SSBP3: variants seen among roughly 807,000 people sequenced by gnomAD.
SSBP3 encodes the protein single-stranded DNA-binding protein 3.
In SSBP3, 5 loss-of-function variants were observed where a neutral mutation model predicts 69.6. The ratio of observed to expected loss-of-function variants is 0.07; its 90% CI spans 0.04 to 0.15. SSBP3 has a LOEUF of 0.15. Ranked by LOEUF, SSBP3 falls within the 10% of genes least tolerant of loss-of-function variation. The pLI, the probability that SSBP3 is intolerant of heterozygous loss-of-function variation, is 1.00. For missense variants in SSBP3, 312 were observed against 534.0 expected (o/e 0.58, Z 4.10); for synonymous variants, 196 against 193.4 (o/e 1.01, Z -0.11).
At chr1:54,240,090 G>A (rs12737237) in intron 13 of SSBP3, among the ~76,000 whole-genome samples, 208 of 12,508 alleles carry the variant, frequency 0.017, 2 homozygotes, top group African/African-American at 0.078. Context: ...GTGTGTGTGC[G>A]CGCGCGCGCG....
chr1:54,317,318 C>T (rs981756886), intron 4 of SSBP3, among the ~76,000 whole-genome samples: 1 of 152,184 alleles, frequency 6.6e-6, no homozygotes, highest in East Asian at 1.9e-4. Flanking sequence ...GGGCAGATCG[C>T]TTGAGCACAG....
chr1:54,335,159 G>A (rs1646487303), intron 4 of SSBP3, among the ~76,000 whole-genome samples: 1 of 152,164 alleles, frequency 6.6e-6, no homozygotes, highest in South Asian at 2.1e-4. Context: ...ATCAGCTCTT[G>A]TTACCAGAAT....
intron 4 of SSBP3, among the ~76,000 whole-genome samples, chr1:54,308,548 C>T (rs1222498196): frequency 1.3e-5 from 2 of 149,748 alleles, no homozygotes; most frequent in Non-Finnish European, 3.0e-5. Flanking sequence ...TTGCAGTGAG[C>T]CAAGATTGCG....
At chr1:54,399,746 G>C (rs900588665) in intron 4 of SSBP3, among the ~76,000 whole-genome samples, 1 of 152,104 alleles carries the variant, frequency 6.6e-6, no homozygotes, top group South Asian at 2.1e-4. Flanking sequence ...AGAAGGGAGA[G>C]ACTAGATGAA....
chr1:54,327,860 A>T lies in SSBP3; in HGVS notation c.277-46333T>A, dbSNP rs1646337668. Among the ~76,000 whole-genome samples the T allele has an allele frequency of 3.3e-5, 5 of 152,118 alleles. No individual in the cohort carries two copies. In the South Asian group the frequency reaches 1.0e-3, roughly 32 times the overall value. On this transcript the variant is annotated intron_variant, in intron 4 of 17. Coordinates refer to ENST00000610401, the Ensembl canonical transcript of SSBP3. Reference sequence around the variant, plus strand: ...TCCTGTCCCCTCCCCCATCCCAGGCACGCTCTAGCTGGGGCTCACTCTGCA... The same window carrying T: ...TCCTGTCCCCTCCCCCATCCCAGGCTCGCTCTAGCTGGGGCTCACTCTGCA...
intron 4 of SSBP3, among the ~76,000 whole-genome samples, chr1:54,343,721 TA>T (rs2100538320): frequency 6.6e-6 from 1 of 152,318 alleles, no homozygotes; most frequent in East Asian, 1.9e-4. Context: ...TGGCTTCATA[TA>T]ACTATATCTA....
intron 4 of SSBP3, among the ~76,000 whole-genome samples, chr1:54,371,805 G>A (rs539565827): frequency 1.4e-4 from 22 of 152,060 alleles, no homozygotes; most frequent in Non-Finnish European, 2.4e-4. Context: ...GAAGACAGTC[G>A]GGCAGGGGTG....
At chr1:54,260,598 C>G (rs1890567) in intron 5 of SSBP3, among the ~76,000 whole-genome samples, 62,460 of 152,134 alleles carry the variant, frequency 0.41, 12,946 homozygotes, top group South Asian at 0.48. Flanking sequence ...AGAAGCGCCC[C>G]TGGGGGACTC....
intron 4 of SSBP3, among the ~76,000 whole-genome samples, chr1:54,310,400 G>T (rs991347273): frequency 6.6e-6 from 1 of 152,062 alleles, no homozygotes; most frequent in Non-Finnish European, 1.5e-5. Context: ...TTTTCTACTG[G>T]GGGGTGGGCT....
intron 14 of SSBP3, among the ~76,000 whole-genome samples, chr1:54,233,633 A>G (rs1368735824): frequency 7.4e-6 from 1 of 134,892 alleles, no homozygotes; most frequent in African/African-American, 2.9e-5. Context: ...CCGGGAGGTG[A>G]GGGGCGCCTC....
At chr1:54,292,584 C>T (rs1645627878) in intron 4 of SSBP3, among the ~76,000 whole-genome samples, 1 of 152,150 alleles carries the variant, frequency 6.6e-6, no homozygotes, top group African/African-American at 2.4e-5. Flanking sequence ...GCCCTTCAAA[C>T]CCCAGACTCC....
intron 4 of SSBP3, among the ~76,000 whole-genome samples, chr1:54,360,828 C>T (rs954220585): frequency 6.6e-6 from 1 of 151,730 alleles, no homozygotes; most frequent in Non-Finnish European, 1.5e-5. Flanking sequence ...TCCTGTAATC[C>T]CAACATTTTG....
At chr1:54,288,167 T>C (rs608547) in intron 4 of SSBP3, among the ~76,000 whole-genome samples, 48,971 of 151,936 alleles carry the variant, frequency 0.32, 8,251 homozygotes, top group Non-Finnish European at 0.36. Context: ...TAAAAAAGGA[T>C]TGCCATAGGA....
intron 4 of SSBP3, among the ~76,000 whole-genome samples, chr1:54,362,474 T>C (rs1339788861): frequency 6.6e-6 from 1 of 152,178 alleles, no homozygotes. Flanking sequence ...GCAAATGGGA[T>C]CAGAGGTACC....
At chr1:54,353,008 T>C (rs1017244001) in intron 4 of SSBP3, among the ~76,000 whole-genome samples, 1 of 152,076 alleles carries the variant, frequency 6.6e-6, no homozygotes, top group African/African-American at 2.4e-5. Flanking sequence ...CAGGAGGCAG[T>C]AGGTGACGCG....
chr1:54,363,313 C>T (rs1371415104), intron 4 of SSBP3, among the ~76,000 whole-genome samples: 1 of 152,192 alleles, frequency 6.6e-6, no homozygotes, highest in Non-Finnish European at 1.5e-5. Context: ...TCCCTACCAG[C>T]CATCTCAAAA....
Position 54,281,541 on chromosome 1 carries a change from A to C in SSBP3, c.277-14T>G. 1 of 1,555,984 alleles carries C rather than the reference A, an allele frequency of 6.4e-7. No homozygotes were observed. The highest frequency in any genetic ancestry group is 8.7e-7 in the Non-Finnish European group (1 of 1,149,396). ...AGCTGCTGCACTCTGTGGAGACAACAAGGCAGAGAGTTAGTGGCCAAACCC... is the reference window on the plus strand; with the variant it reads ...AGCTGCTGCACTCTGTGGAGACAACCAGGCAGAGAGTTAGTGGCCAAACCC... On this transcript the variant is annotated splice_polypyrimidine_tract_variant and intron_variant, in intron 4 of 17. Coordinates refer to ENST00000610401, the Ensembl canonical transcript of SSBP3.
chr1:54,323,449 G>A (rs1339982718), intron 4 of SSBP3, among the ~76,000 whole-genome samples: 4 of 152,172 alleles, frequency 2.6e-5, no homozygotes, highest in Admixed American at 1.3e-4. Context: ...GACGCCAGGC[G>A]TCCTGCTGGA....
chr1:54,282,210 C>T (rs1349864541), intron 4 of SSBP3, among the ~76,000 whole-genome samples: 3 of 152,198 alleles, frequency 2.0e-5, no homozygotes, highest in Admixed American at 6.5e-5. Context: ...GGCCCTGGGC[C>T]GTGTCTGCCC....
Sources: allele counts gnomAD v4.1 joint callset (sites outside exome capture counted in the v4.1 genomes callset), GRCh38; gene constraint gnomAD v4.1.1; transcripts MANE v1.5; gene names NCBI Gene and HGNC (gene_info 2026-07-23, HGNC 2026-07-21).